The following DMD variants were observed in gnomAD, a reference collection of about 807,000 sequenced individuals.
DMD encodes the protein dystrophin, also known as mutant dystrophin.
A neutral mutation model predicts 330.1 loss-of-function variants in DMD; 63 were observed. That is an observed-to-expected ratio of 0.19 (90% CI 0.16 to 0.24). The LOEUF is 0.24. Among genes scored for constraint, DMD ranks in the 10% least tolerant of loss-of-function variants. The pLI, the probability that DMD is intolerant of heterozygous loss-of-function variation, is 1.00. For synonymous variants in DMD, 1,223 were observed against 959.8 expected, an observed-to-expected ratio of 1.27 and a Z score of -5.07; for missense variants, 3,344 against 2,684.1, an observed-to-expected ratio of 1.25 and a Z score of -5.43.
At position 32,216,967 on chromosome X, in the gene DMD, C is replaced by A. The variant is rs758768498; in HGVS notation, c.6387G>T (p.Lys2129Asn). The change falls in exon 44 of 79, where the codon AAG becomes AAT. Residue 2129 changes from lysine (K) to asparagine (N), a missense_variant. Coordinates refer to ENST00000357033, the MANE Select transcript of DMD (RefSeq NM_004006.3). The stretch of plus-strand genomic sequence containing the variant: ...GTTCCCAATTCTCAGGAATTTGTGT[C>A]TTTCTGAGAAACTGTTCAGCTTCTG... ...WLTEAEQFLR[K>N]TQIPENWEHA... The A allele has an allele frequency of 1.2e-5, 15 of 1,207,220 alleles. No homozygotes were observed. The highest frequency in any genetic ancestry group is 7.8e-6 in the Non-Finnish European group (7 of 892,054).
chrX:32,823,354 C>T lies in DMD; in HGVS notation c.298G>A (p.Val100Ile), dbSNP rs779099343. 25 of 1,206,156 alleles carry T rather than the reference C, an allele frequency of 2.1e-5. No individual in the cohort carries two copies. Among genetic ancestry groups the T allele is most frequent in the Non-Finnish European group, 2.7e-5 (24 of 892,320 alleles). Residue 100 changes from valine (V) to isoleucine (I), a missense_variant, in exon 5 of 79, where the codon GTA becomes ATA. Transcript: ENST00000357033. ...DLVNIGSTDI[V>I]DGNHKLTLGL... ...AGAGTCAGTTTATGATTTCCATCTA[C>T]GATGTCAGTACTTCCAATATTCACT...
chrX:33,076,998 G>A (rs891907198), intron 1 of DMD, among the ~76,000 whole-genome samples: 2 of 110,844 alleles, frequency 1.8e-5, no homozygotes, highest in African/African-American at 6.6e-5. Context: ...AGTCGGAGCT[G>A]TCTTCTTGCG....
intron 44 of DMD, among the ~76,000 whole-genome samples, chrX:31,992,197 T>A (rs2095555709): frequency 8.9e-6 from 1 of 111,803 alleles, no homozygotes; most frequent in Non-Finnish European, 1.9e-5. Flanking sequence ...AAACCAAATC[T>A]ATAGAGAGAG....
chrX:32,124,275 A>G (rs1317868266), intron 44 of DMD, among the ~76,000 whole-genome samples: 1 of 112,492 alleles, frequency 8.9e-6, no homozygotes, highest in African/African-American at 3.2e-5. Context: ...TCAAAGCTTT[A>G]AAACATTAAT....
chrX:31,640,287 G>A (rs1020477793), intron 54 of DMD, among the ~76,000 whole-genome samples: 2 of 112,198 alleles, frequency 1.8e-5, no homozygotes, highest in African/African-American at 3.2e-5. Context: ...TAGGGAATAC[G>A]TTTACATTTA....
intron 17 of DMD, among the ~76,000 whole-genome samples, chrX:32,529,080 T>C (rs113043837): frequency 0.014 from 1,462 of 105,503 alleles, 23 homozygotes; most frequent in Admixed American, 0.072. Flanking sequence ...TGCCGCCACG[T>C]CTGGCTAATT....
intron 64 of DMD, among the ~76,000 whole-genome samples, chrX:31,210,847 G>A (rs944343383): frequency 1.5e-4 from 17 of 112,468 alleles, no homozygotes; most frequent in African/African-American, 3.9e-4. Flanking sequence ...AACAAAAATA[G>A]TGGTTAATAC....
chrX:33,249,386 G>A (rs1429619917), intron 1 of DMD, among the ~76,000 whole-genome samples: 1 of 111,599 alleles, frequency 9.0e-6, no homozygotes, highest in Non-Finnish European at 1.9e-5. Flanking sequence ...CCTGACCTTA[G>A]GTGATCTGCC....
At chrX:33,106,877 T>G (rs774032038) in intron 1 of DMD, among the ~76,000 whole-genome samples, 1 of 112,374 alleles carries the variant, frequency 8.9e-6, no homozygotes, top group African/African-American at 3.2e-5. Flanking sequence ...GATATGGTTA[T>G]GTCTTCAGCC....
At chrX:31,816,561 G>A (rs1422068798) in intron 50 of DMD, among the ~76,000 whole-genome samples, 3 of 110,019 alleles carry the variant, frequency 2.7e-5, no homozygotes, top group African/African-American at 6.6e-5. Context: ...CACTTTGAGA[G>A]GCTGAGGCAG....
chrX:33,330,600 T>C (rs2054158312), intron 1 of DMD, among the ~76,000 whole-genome samples: 2 of 111,745 alleles, frequency 1.8e-5, no homozygotes, highest in African/African-American at 6.5e-5. Flanking sequence ...TTTCAAATCC[T>C]CCTGAAAGTT....
chrX:31,923,190 C>A (rs968059665), intron 47 of DMD, among the ~76,000 whole-genome samples: 1 of 111,862 alleles, frequency 8.9e-6, no homozygotes, highest in Admixed American at 9.5e-5. Flanking sequence ...TAGTAATAAA[C>A]CTCATGTCAG....
At chrX:31,682,516 T>C (rs1028310500) in intron 52 of DMD, among the ~76,000 whole-genome samples, 2 of 112,239 alleles carry the variant, frequency 1.8e-5, no homozygotes, top group South Asian at 3.7e-4. Context: ...GTATAAAGTG[T>C]AAATGAAAAT....
intron 7 of DMD, among the ~76,000 whole-genome samples, chrX:32,781,059 A>G (rs1347157789): frequency 1.9e-5 from 2 of 106,794 alleles, no homozygotes; most frequent in African/African-American, 3.4e-5. Context: ...CGGAGCTTGC[A>G]GTGAGCCGAG....
chrX:32,129,977 A>G (rs1381919213), intron 44 of DMD, among the ~76,000 whole-genome samples: 1 of 101,080 alleles, frequency 9.9e-6, no homozygotes, highest in African/African-American at 3.6e-5. Flanking sequence ...TTTTTCAAAG[A>G]CTTTTTTTTT....
rs765409635 is a variant in DMD, at chrX:31,965,471, G to C, written c.6614+2868C>G. Among the ~76,000 whole-genome samples the C allele has an allele frequency of 1.1e-4, 12 of 111,962 alleles. No homozygotes were observed. The South Asian group carries it at 1.1e-3, about 10-fold the overall frequency. On this transcript the variant is annotated intron_variant, in intron 45 of 78. Coordinates refer to ENST00000357033, the MANE Select transcript of DMD (RefSeq NM_004006.3). ...ACTGTAATGAGATGTGTACATATCT[G>C]TGACTTCATAGGTACTGATTGTACT... is the stretch of plus-strand genomic sequence containing the variant.
chrX:31,130,702 C>T (rs2034369777), intron 77 of DMD, among the ~76,000 whole-genome samples: 1 of 112,019 alleles, frequency 8.9e-6, no homozygotes, highest in Admixed American at 9.5e-5. Context: ...AGAAGCCTAA[C>T]TTAACCTGCT....
chrX:31,338,740 G>T (rs1203871094), intron 61 of DMD, among the ~76,000 whole-genome samples: 1 of 110,418 alleles, frequency 9.1e-6, no homozygotes, highest in Non-Finnish European at 1.9e-5. Flanking sequence ...GGACTACAGA[G>T]ATTTCCTGGA....
At chrX:31,613,639 C>T (rs2078044931) in intron 55 of DMD, among the ~76,000 whole-genome samples, 1 of 111,545 alleles carries the variant, frequency 9.0e-6, no homozygotes, top group South Asian at 3.8e-4. Context: ...TGATCTTACT[C>T]ATAAGGGATG....
Sources: gnomAD v4.1 joint callset for allele counts (sites outside exome capture counted in the v4.1 genomes callset) on GRCh38, gnomAD v4.1.1 for gene constraint, MANE v1.5 for transcripts, NCBI Gene and HGNC (gene_info 2026-07-23, HGNC 2026-07-21) for gene names.